Variants in COL27A1 observed in about 807,000 individuals in gnomAD.
COL27A1 encodes the protein collagen alpha-1(XXVII) chain.
COL27A1 carries 106 observed loss-of-function variants against 251.3 expected under a neutral mutation model. The ratio of observed to expected loss-of-function variants is 0.42; its 90% CI spans 0.36 to 0.50. The LOEUF is 0.50. COL27A1 is among the 20% of genes least tolerant of loss of function. The pLI is 0.00. For synonymous variants in COL27A1, 1,000 were observed against 986.3 expected (o/e 1.01, Z -0.26); for missense variants, 2,325 against 2,522.8 (o/e 0.92, Z 1.68).
In COL27A1 at chr9:114,167,621, G is replaced by T. The variant is rs1293028792; in HGVS notation, c.134-68G>T. 85 of 1,371,674 alleles carry T rather than the reference G, an allele frequency of 6.2e-5. 1 individual carries two copies. Among genetic ancestry groups the T allele is most frequent in the Non-Finnish European group, 8.1e-5 (80 of 992,264 alleles). 85.0% of individuals were successfully genotyped at this position (1,371,674 alleles called of 1,614,324 possible). ...GGTCCACATTGCCTGTGCCCCTTAGGGGGTAGGGGGTGGGGTGGGCTGGAG... is the reference window on the plus strand; with the variant it reads ...GGTCCACATTGCCTGTGCCCCTTAGTGGGTAGGGGGTGGGGTGGGCTGGAG... On this transcript the variant is annotated intron_variant, in intron 2 of 60. Coordinates refer to ENST00000356083, the MANE Select transcript of COL27A1 (RefSeq NM_032888.4).
chr9:114,306,728 T>C, intron 58 of COL27A1, 40 bp downstream of exon 58: 1 of 1,599,912 alleles, frequency 6.3e-7, no homozygotes, highest in Admixed American at 1.7e-5. Flanking sequence ...CGCCTGGCGG[T>C]GGGGAGCTGG....
intron 57 of COL27A1, among the ~76,000 whole-genome samples, chr9:114,304,886 A>C (rs992163798): frequency 6.6e-6 from 1 of 152,222 alleles, no homozygotes; most frequent in African/African-American, 2.4e-5. Context: ...AGGCAGAGCA[A>C]GGCCAGAAAC....
intron 21 of COL27A1, among the ~76,000 whole-genome samples, chr9:114,241,810 A>G (rs1478082604): frequency 1.3e-5 from 2 of 152,226 alleles, no homozygotes; most frequent in African/African-American, 2.4e-5. Flanking sequence ...ATCTTCTCCA[A>G]TCTGGGAAAC....
chr9:114,265,290 G>T, intron 31 of COL27A1, 132 bp from the exon 32 acceptor site: 1 of 1,122,292 alleles, frequency 8.9e-7, no homozygotes, highest in East Asian at 2.5e-5. Flanking sequence ...TCTTCTCTGG[G>T]TCTCAGCCTT....
chr9:114,159,839 G>A (rs75507422), intron 1 of COL27A1, among the ~76,000 whole-genome samples: 7,515 of 152,274 alleles, frequency 0.049, 213 homozygotes, highest in South Asian at 0.065. Flanking sequence ...GGTATTCTCC[G>A]TTTGTGTAAT....
In COL27A1 at chr9:114,301,876, AC is replaced by A. The variant is rs1285628770; in HGVS notation, c.4845+160del. Reference sequence around the variant, plus strand: ...AGTATAGGGCATCCCCCGAACATTCACTTTTGCCTACGTGGGGTAACACCTA... The same window carrying A: ...AGTATAGGGCATCCCCCGAACATTCATTTTGCCTACGTGGGGTAACACCTA... On this transcript the variant is annotated intron_variant, in intron 55 of 60. Coordinates refer to ENST00000356083, the MANE Select transcript of COL27A1 (RefSeq NM_032888.4). 3.3e-5 allele frequency among the ~76,000 whole-genome samples: 5 copies of A among 152,174 alleles called. No homozygotes were observed. In the East Asian group the frequency reaches 9.7e-4, roughly 29 times the overall value.
intron 28 of COL27A1, among the ~76,000 whole-genome samples, chr9:114,261,326 C>T (rs2418268): frequency 0.3 from 45,313 of 152,050 alleles, 7,632 homozygotes; most frequent in Admixed American, 0.41. Flanking sequence ...AGAGAGCAGA[C>T]AGGTAGCTCT....
chr9:114,157,167 G>A (rs1041064202), intron 1 of COL27A1, among the ~76,000 whole-genome samples: 2 of 152,030 alleles, frequency 1.3e-5, no homozygotes, highest in Non-Finnish European at 2.9e-5. Context: ...CCCTGCGCCA[G>A]GGTAGATGCC....
At chr9:114,246,652 A>G (rs536974151) in intron 24 of COL27A1, among the ~76,000 whole-genome samples, 15 of 152,272 alleles carry the variant, frequency 9.9e-5, no homozygotes, top group Non-Finnish European at 1.9e-4. Flanking sequence ...GGATGGCCAT[A>G]GAGGAATTTG....
rs2135667598 is a variant in COL27A1 at position 114,275,832 on chromosome 9, C to T, written c.3717+64C>T. 16 of 1,120,170 alleles carry T rather than the reference C, an allele frequency of 1.4e-5. No homozygotes were observed. In the South Asian group the frequency reaches 2.4e-4, roughly 17 times the overall value. The allele number at this position is 1,120,170 out of a possible 1,614,324, so 69.4% of individuals were successfully genotyped here. A position where few individuals can be genotyped will look rare whatever the true frequency, so the allele number is the denominator to read the frequency against. ...GGTACCCTGAACTCTCATGCCTGTG[C>T]AGGCGGCTGGGCGGGAGGGCTTTTG... On this transcript the variant is annotated intron_variant, in intron 37 of 60. Coordinates refer to ENST00000356083, the MANE Select transcript of COL27A1 (RefSeq NM_032888.4).
At chr9:114,265,856 C>T (rs1302712162) in intron 32 of COL27A1, among the ~76,000 whole-genome samples, 4 of 152,164 alleles carry the variant, frequency 2.6e-5, no homozygotes, top group Non-Finnish European at 4.4e-5. Flanking sequence ...AAGTGGAAAG[C>T]GGGACCTCAG....
At chr9:114,218,163 G>A (rs138456724) in intron 12 of COL27A1, 7 of 222,972 alleles carry the variant, frequency 3.1e-5, no homozygotes, top group African/African-American at 1.2e-4. Context: ...TCTTGTCCCA[G>A]GAGGTGAGAC....
intron 36 of COL27A1, among the ~76,000 whole-genome samples, chr9:114,274,891 G>C (rs1332332956): frequency 1.3e-5 from 2 of 151,992 alleles, no homozygotes; most frequent in African/African-American, 4.8e-5. Flanking sequence ...TGGAAAGAGT[G>C]GTTCTGAGAA....
chr9:114,243,219 G>A (rs1832881509), intron 22 of COL27A1, among the ~76,000 whole-genome samples: 1 of 152,300 alleles, frequency 6.6e-6, no homozygotes, highest in Middle Eastern at 3.4e-3. Flanking sequence ...CATCTGCCAA[G>A]TTCCTTCCTT....
At chr9:114,181,414 G>A (rs1827904300) in intron 4 of COL27A1, among the ~76,000 whole-genome samples, 1 of 152,196 alleles carries the variant, frequency 6.6e-6, no homozygotes, top group Non-Finnish European at 1.5e-5. Flanking sequence ...GAGAGGAAGA[G>A]GGAGGTGCCT....
chr9:114,217,507 C>T (rs1830785918), intron 12 of COL27A1, among the ~76,000 whole-genome samples: 1 of 152,214 alleles, frequency 6.6e-6, no homozygotes, highest in Admixed American at 6.5e-5. Flanking sequence ...ATATATTGGG[C>T]ATCACAGGGT....
At position 114,266,019 on chromosome 9, in the gene COL27A1, G is replaced by A. The variant is rs146842478; in HGVS notation, c.3393+544G>A. On this transcript the variant is annotated intron_variant, in intron 32 of 60. Transcript: ENST00000356083. ...AAGATGTCCCTGGGAGGACAGGTGT[G>A]GGGGGACAGTCCAGGAACCCCATGA... Among the ~76,000 whole-genome samples, 676 of 152,292 alleles carry A rather than the reference G, an allele frequency of 4.4e-3. 3 individuals carry two copies. Among genetic ancestry groups the A allele is most frequent in the Non-Finnish European group, 8.0e-3 (546 of 68,014 alleles).
At chr9:114,286,927 G>A (rs73548918) in intron 41 of COL27A1, among the ~76,000 whole-genome samples, 3,156 of 152,144 alleles carry the variant, frequency 0.021, 56 homozygotes, top group African/African-American at 0.043. Flanking sequence ...TGTGCAGATC[G>A]GATGAAACAA....
At chr9:114,216,158 C>T (rs562989990) in intron 12 of COL27A1, among the ~76,000 whole-genome samples, 8 of 152,216 alleles carry the variant, frequency 5.3e-5, no homozygotes, top group Non-Finnish European at 1.2e-4. Flanking sequence ...CACTCCTTAG[C>T]CTTGTTCTAT....
Sources: allele counts gnomAD v4.1 joint callset (sites outside exome capture counted in the v4.1 genomes callset), GRCh38; gene constraint gnomAD v4.1.1; transcripts MANE v1.5; gene names NCBI Gene and HGNC (gene_info 2026-07-23, HGNC 2026-07-21).